Variants in ADGRL3 observed in about 807,000 individuals in gnomAD.
ADGRL3 encodes the protein calcium-independent alpha-latrotoxin receptor 3.
Under a neutral mutation model 153.5 loss-of-function variants are expected in ADGRL3, and 62 were observed. The observed-to-expected ratio is 0.40, with a 90% CI of 0.33 to 0.50. ADGRL3 has a LOEUF of 0.50. Ranked by LOEUF, ADGRL3 falls within the 20% of genes least tolerant of loss-of-function variation. The probability of loss-of-function intolerance (pLI) is 0.47; values close to 1 mark genes in which losing one functional copy is unlikely to be tolerated. For synonymous variants in ADGRL3, 710 were observed against 672.5 expected (o/e 1.06, Z -0.86); for missense variants, 1,641 against 1,859.4 (o/e 0.88, Z 2.16).
intron 21 of ADGRL3, among the ~76,000 whole-genome samples, chr4:62,020,834 A>G (rs1342959273): frequency 6.6e-6 from 1 of 152,054 alleles, no homozygotes; most frequent in Non-Finnish European, 1.5e-5. Context: ...AGTTAAACTT[A>G]GATTTCTCAT....
At chr4:61,938,760 A>AG (rs1442915536) in intron 15 of ADGRL3, among the ~76,000 whole-genome samples, 1 of 151,652 alleles carries the variant, frequency 6.6e-6, no homozygotes, top group Non-Finnish European at 1.5e-5. Flanking sequence ...CGTCTCCGCA[A>AG]TAAGCTAGGA....
At chr4:61,326,562 G>A (rs182921737) in intron 1 of ADGRL3, among the ~76,000 whole-genome samples, 6 of 148,754 alleles carry the variant, frequency 4.0e-5, no homozygotes, top group Non-Finnish European at 8.9e-5. Context: ...TTTTTTTGCA[G>A]TATTATTGGT....
At chr4:61,825,778 A>G (rs2097794754) in intron 9 of ADGRL3, among the ~76,000 whole-genome samples, 1 of 152,214 alleles carries the variant, frequency 6.6e-6, no homozygotes, top group African/African-American at 2.4e-5. Context: ...AATTTCTTAA[A>G]TTATTCATGA....
chr4:61,669,099 G>A (rs1419484650), intron 5 of ADGRL3, among the ~76,000 whole-genome samples: 1 of 152,116 alleles, frequency 6.6e-6, no homozygotes. Context: ...ATTGTAAGTG[G>A]ACAACGTCAT....
At chr4:61,697,367 C>T (rs2095661376) in intron 6 of ADGRL3, among the ~76,000 whole-genome samples, 1 of 151,862 alleles carries the variant, frequency 6.6e-6, no homozygotes. Context: ...TCAAGACCAG[C>T]CTGGCCAACA....
At chr4:61,603,190 A>C (rs2099018711) in intron 5 of ADGRL3, among the ~76,000 whole-genome samples, 1 of 152,314 alleles carries the variant, frequency 6.6e-6, no homozygotes, top group African/African-American at 2.4e-5. Flanking sequence ...TATTTACATT[A>C]GTAATTAACA....
At chr4:61,692,167 TA>T (rs544015496) in intron 6 of ADGRL3, among the ~76,000 whole-genome samples, 72 of 152,292 alleles carry the variant, frequency 4.7e-4, no homozygotes, top group Non-Finnish European at 7.8e-4. Flanking sequence ...ATGCCAGCAC[TA>T]AATACTTTGC....
At chr4:61,597,052 G>T (rs1443339010) in intron 5 of ADGRL3, among the ~76,000 whole-genome samples, 5 of 151,034 alleles carry the variant, frequency 3.3e-5, no homozygotes, top group Admixed American at 2.6e-4. Context: ...ATGCATAAGG[G>T]CTAATTTCAA....
chr4:61,839,769 G>T (rs1352330632), intron 9 of ADGRL3, among the ~76,000 whole-genome samples: 1 of 150,872 alleles, frequency 6.6e-6, no homozygotes, highest in Non-Finnish European at 1.5e-5. Context: ...CCCTGTCTCT[G>T]CCCACCCCTC....
At chr4:61,450,766 A>C (rs2097663913) in intron 2 of ADGRL3, among the ~76,000 whole-genome samples, 2 of 152,146 alleles carry the variant, frequency 1.3e-5, no homozygotes, top group South Asian at 4.1e-4. Context: ...ATAGCCTTAA[A>C]CATTTCGAAC....
Position 61,602,505 on chromosome 4 carries a change from A to G in ADGRL3, c.473+15065A>G, listed in dbSNP as rs376737286. 2.3e-4 allele frequency among the ~76,000 whole-genome samples: 35 copies of G among 152,292 alleles called. 1 individual carries two copies. In the East Asian group the frequency reaches 2.5e-3, roughly 11 times the overall value. On this transcript the variant is annotated intron_variant, in intron 5 of 26. Coordinates refer to ENST00000683033, the MANE Select transcript of ADGRL3 (RefSeq NM_001387552.1). Reference sequence around the variant, plus strand: ...CTGCAAAATATCCTGTAACGTACAGAAAGCCCCCAACAACAAAAAATAGCA... The same window carrying G: ...CTGCAAAATATCCTGTAACGTACAGGAAGCCCCCAACAACAAAAAATAGCA...
At chr4:61,967,720 CACTT>C (rs1261226126) in intron 17 of ADGRL3, among the ~76,000 whole-genome samples, 2 of 152,164 alleles carry the variant, frequency 1.3e-5, no homozygotes, top group African/African-American at 4.8e-5. Context: ...CATTTTTAAA[CACTT>C]ACAAGTACAT....
In ADGRL3 at chr4:61,878,966, A is replaced by G. The variant is rs187239843; in HGVS notation, c.1481-13690A>G. ...GATCTTCTTCATATTGTACATTTTAATATTGATGTAATATGTCCCTTTAAG... is the reference window on the plus strand; with the variant it reads ...GATCTTCTTCATATTGTACATTTTAGTATTGATGTAATATGTCCCTTTAAG... On this transcript the variant is annotated intron_variant, in intron 9 of 26. Coordinates refer to ENST00000683033, the MANE Select transcript of ADGRL3 (RefSeq NM_001387552.1). Among the ~76,000 whole-genome samples, 3 of 152,296 alleles carry G rather than the reference A, an allele frequency of 2.0e-5. No homozygotes were observed. In the East Asian group the frequency reaches 5.8e-4, roughly 29 times the overall value.
chr4:61,752,661 G>C (rs909253111), intron 8 of ADGRL3, among the ~76,000 whole-genome samples: 2 of 152,166 alleles, frequency 1.3e-5, no homozygotes, highest in African/African-American at 4.8e-5. Context: ...GCTGGGCACA[G>C]AGGCTCACAA....
intron 8 of ADGRL3, among the ~76,000 whole-genome samples, chr4:61,750,389 T>C (rs906232979): frequency 3.3e-5 from 5 of 152,164 alleles, no homozygotes; most frequent in Admixed American, 1.3e-4. Context: ...TTTAGAATCC[T>C]CGTCTGCCTG....
At chr4:61,415,137 A>G (rs1301361460) in intron 2 of ADGRL3, among the ~76,000 whole-genome samples, 1 of 151,938 alleles carries the variant, frequency 6.6e-6, no homozygotes. Flanking sequence ...AAATAGGAAT[A>G]TTAAAATACA....
At chr4:61,548,843 G>A (rs1278461255) in intron 4 of ADGRL3, among the ~76,000 whole-genome samples, 2 of 151,776 alleles carry the variant, frequency 1.3e-5, no homozygotes, top group African/African-American at 4.8e-5. Context: ...CAGAACTATG[G>A]TTCCCTAGTT....
intron 1 of ADGRL3, among the ~76,000 whole-genome samples, chr4:61,368,037 T>C (rs1007683986): frequency 6.6e-6 from 1 of 151,702 alleles, no homozygotes; most frequent in Non-Finnish European, 1.5e-5. Context: ...AAATGTCTTC[T>C]TTTGAGAAGT....
intron 8 of ADGRL3, among the ~76,000 whole-genome samples, chr4:61,742,156 C>A (rs537759848): frequency 6.6e-6 from 1 of 152,290 alleles, no homozygotes; most frequent in East Asian, 1.9e-4. Context: ...TTCTACCCAT[C>A]TTAGCACAGA....
Sources: allele counts gnomAD v4.1 joint callset (sites outside exome capture counted in the v4.1 genomes callset), GRCh38; gene constraint gnomAD v4.1.1; transcripts MANE v1.5; gene names NCBI Gene and HGNC (gene_info 2026-07-23, HGNC 2026-07-21).